CRK: variants seen among roughly 807,000 people sequenced by gnomAD.
CRK encodes the protein adapter molecule crk.
Under a neutral mutation model 29.8 loss-of-function variants are expected in CRK, and 4 were observed. That is an observed-to-expected ratio of 0.13 (90% confidence interval 0.07 to 0.31). The LOEUF (loss-of-function observed/expected upper bound fraction) is 0.31, where lower values mean the gene tolerates loss of function less well. CRK is among the 10% of genes least tolerant of loss of function. The pLI is 1.00. For synonymous variants in CRK, 153 were observed against 164.9 expected (o/e 0.93, Z 0.55); for missense variants, 274 against 396.5 (o/e 0.69, Z 2.62).
At chr17:1,441,742 G>T (rs892309528) in intron 1 of CRK, among the ~76,000 whole-genome samples, 2 of 151,606 alleles carry the variant, frequency 1.3e-5, no homozygotes, top group East Asian at 2.0e-4. Context: ...CATCCACCTC[G>T]GCCTCCCAAA....
chr17:1,441,140 C>G (rs534544942), intron 1 of CRK, among the ~76,000 whole-genome samples: 1 of 152,048 alleles, frequency 6.6e-6, no homozygotes, highest in Non-Finnish European at 1.5e-5. Context: ...GTTGCCCAAG[C>G]CAGTCTCGAA....
chr17:1,438,425 T>TGCAG (rs2073906787), intron 1 of CRK, among the ~76,000 whole-genome samples: 1 of 152,154 alleles, frequency 6.6e-6, no homozygotes, highest in South Asian at 2.1e-4. Context: ...CCACAGTGCC[T>TGCAG]GGCCTCTGGT....
chr17:1,423,372 C>G lies in CRK; in HGVS notation c.*141G>C. ...AATTAAGACTAGGAATGGAGCAGTT[C>G]AGTCTAAAAAATATCACAGGTAACA... On this transcript the variant is annotated 3_prime_UTR_variant, in exon 3 of 3. Transcript: ENST00000300574. The G allele has an allele frequency of 2.9e-6, 3 of 1,023,990 alleles. No individual in the cohort carries two copies. The highest frequency in any genetic ancestry group is 4.2e-6 in the Non-Finnish European group (3 of 714,906). 63.4% of individuals were successfully genotyped at this position (1,023,990 alleles called of 1,614,324 possible).
rs552656937 is a variant in CRK, at chr17:1,445,906, G to A, written c.242-8751C>T. Among the ~76,000 whole-genome samples the A allele has an allele frequency of 7.2e-5, 11 of 152,300 alleles. No individual in the cohort carries two copies. The South Asian group carries it at 2.3e-3, about 32-fold the overall frequency. ...GTCCTTTTGGGACAGTGGTTGGCAGGTCAGTGCTCAGTTAAGTGTTGCTAA... is the reference window on the plus strand; with the variant it reads ...GTCCTTTTGGGACAGTGGTTGGCAGATCAGTGCTCAGTTAAGTGTTGCTAA... On this transcript the variant is annotated intron_variant, in intron 1 of 2. Coordinates refer to ENST00000300574, the MANE Select transcript of CRK (RefSeq NM_016823.4).
intron 1 of CRK, among the ~76,000 whole-genome samples, chr17:1,451,723 A>G (rs534238469): frequency 1.2e-4 from 18 of 152,028 alleles, no homozygotes; most frequent in African/African-American, 3.6e-4. Flanking sequence ...TGGGGGGAAA[A>G]AAAAACAAAA....
intron 1 of CRK, among the ~76,000 whole-genome samples, chr17:1,444,609 A>C (rs1159180244): frequency 1.5e-4 from 19 of 130,164 alleles, no homozygotes; most frequent in South Asian, 2.7e-4. Flanking sequence ...GGGGGGGATC[A>C]CCTGAGATCG....
intron 2 of CRK, among the ~76,000 whole-genome samples, chr17:1,433,996 G>A (rs2073868099): frequency 6.6e-6 from 1 of 151,992 alleles, no homozygotes; most frequent in Non-Finnish European, 1.5e-5. Context: ...CACAGCACCT[G>A]GCCAAACATC....
chr17:1,429,926 A>G (rs1164387486), intron 2 of CRK, among the ~76,000 whole-genome samples: 1 of 148,408 alleles, frequency 6.7e-6, no homozygotes, highest in South Asian at 2.1e-4. Flanking sequence ...CCTGATCTCA[A>G]AAAAAAAAAA....
chr17:1,443,868 T>G (rs879293208), intron 1 of CRK, among the ~76,000 whole-genome samples: 1 of 149,154 alleles, frequency 6.7e-6, no homozygotes, highest in Non-Finnish European at 1.5e-5. Context: ...CCCGGCTAAT[T>G]TTTTTGTATT....
intron 1 of CRK, among the ~76,000 whole-genome samples, chr17:1,449,018 T>C (rs1041939265): frequency 1.3e-5 from 2 of 152,104 alleles, no homozygotes; most frequent in Non-Finnish European, 2.9e-5. Flanking sequence ...AACAGGGCCA[T>C]CAGCAGTCTC....
At chr17:1,440,029 G>A (rs1341995435) in intron 1 of CRK, among the ~76,000 whole-genome samples, 2 of 152,056 alleles carry the variant, frequency 1.3e-5, no homozygotes, top group Non-Finnish European at 2.9e-5. Context: ...GACAGGCGCG[G>A]TGGCTCACGC....
rs2073728124 is a variant in CRK at position 1,421,850 on chromosome 17, G to A, written c.*1663C>T. 6.6e-6 allele frequency: 1 copy of A among 152,174 alleles called. No homozygotes were observed. The highest frequency in any genetic ancestry group is 2.4e-5 in the African/African-American group (1 of 41,442). The allele number at this position is 152,174 out of a possible 1,614,324, so 9.4% of individuals were successfully genotyped here. On this transcript the variant is annotated 3_prime_UTR_variant, in exon 3 of 3. Coordinates refer to ENST00000300574, the MANE Select transcript of CRK (RefSeq NM_016823.4). ...TGAGGTCCAAAGCAAACTATAAGGT[G>A]TTTCTATTGGTCATACCACACCAGA...
At chr17:1,434,642 G>A (rs1042049462) in intron 2 of CRK, among the ~76,000 whole-genome samples, 2 of 152,014 alleles carry the variant, frequency 1.3e-5, no homozygotes, top group African/African-American at 4.8e-5. Context: ...AATTAGCCAG[G>A]CACAATGGGG....
intron 1 of CRK, among the ~76,000 whole-genome samples, chr17:1,455,084 ATTGCCTCACTTCTGGTTT>A (rs1343199364): frequency 2.0e-5 from 3 of 152,158 alleles, no homozygotes; most frequent in African/African-American, 7.2e-5. Flanking sequence ...GTCTGTTTCC[ATTGCCTCACTTCTGGTTT>A]ATTTTGTGGA....
intron 2 of CRK, among the ~76,000 whole-genome samples, chr17:1,425,422 T>A (rs1489033640): frequency 3.3e-5 from 5 of 151,988 alleles, no homozygotes; most frequent in African/African-American, 9.7e-5. Flanking sequence ...TGAGACAGGG[T>A]CTCACTCTGT....
intron 1 of CRK, among the ~76,000 whole-genome samples, chr17:1,446,636 G>A (rs2073977114): frequency 7.3e-6 from 1 of 137,870 alleles, no homozygotes; most frequent in Non-Finnish European, 1.5e-5. Context: ...CTTTCGCCTA[G>A]GCTGGACTGC....
chr17:1,429,795 C>G (rs2073820455), intron 2 of CRK, among the ~76,000 whole-genome samples: 1 of 151,798 alleles, frequency 6.6e-6, no homozygotes, highest in African/African-American at 2.4e-5. Context: ...TAGCCAGGTA[C>G]AGTGGAATGT....
At chr17:1,442,989 T>C (rs2073947181) in intron 1 of CRK, among the ~76,000 whole-genome samples, 1 of 150,184 alleles carries the variant, frequency 6.7e-6, no homozygotes. Flanking sequence ...TCTTTCTTTT[T>C]TTTTTTTGAG....
chr17:1,451,192 C>CAAAAA (rs10691537), intron 1 of CRK, among the ~76,000 whole-genome samples: 23,052 of 66,354 alleles, frequency 0.35, 4,290 homozygotes, highest in South Asian at 0.46. Context: ...GAAACTGTCT[C>CAAAAA]AAAAAAAAAA....
Sources: gnomAD v4.1 joint callset for allele counts (sites outside exome capture counted in the v4.1 genomes callset) on GRCh38, gnomAD v4.1.1 for gene constraint, MANE v1.5 for transcripts, NCBI Gene and HGNC (gene_info 2026-07-23, HGNC 2026-07-21) for gene names.